ADGRB1: variants seen among roughly 807,000 people sequenced by gnomAD.
ADGRB1 encodes brain-specific angiogenesis inhibitor 1.
In ADGRB1, 36 loss-of-function variants were observed where a neutral mutation model predicts 175.7. The ratio of observed to expected loss-of-function variants is 0.20; its 90% confidence interval spans 0.16 to 0.27. The LOEUF is 0.27. Ranked by LOEUF, ADGRB1 falls within the 10% of genes least tolerant of loss-of-function variation. ADGRB1 has a pLI of 1.00. For synonymous variants in ADGRB1, 1,054 were observed against 979.4 expected (o/e 1.08, Z -1.42); for missense variants, 1,731 against 2,255.3 (o/e 0.77, Z 4.71).
At chr8:142,490,903 G>T in intron 17 of ADGRB1, 88 bp downstream of exon 17, 1 of 1,486,256 alleles carries the variant, frequency 6.7e-7, no homozygotes, top group Non-Finnish European at 9.2e-7. Flanking sequence ...CAGGTTTCAG[G>T]TCTTGTCCAC....
intron 13 of ADGRB1, among the ~76,000 whole-genome samples, chr8:142,485,265 A>T (rs752923660): frequency 4.6e-5 from 7 of 152,212 alleles, no homozygotes; most frequent in Non-Finnish European, 1.0e-4. Flanking sequence ...GAGTGGCTGA[A>T]TCCCGGGGTA....
rs1011955861 is a variant in ADGRB1, at chr8:142,543,041, C to T, written c.4414-362C>T. Among the ~76,000 whole-genome samples, 10 of 152,234 alleles carry T rather than the reference C, an allele frequency of 6.6e-5. No homozygotes were observed. Among genetic ancestry groups the T allele is most frequent in the Non-Finnish European group, 1.5e-4 (10 of 68,030 alleles). The stretch of plus-strand genomic sequence containing the variant: ...TTGTTTTTGGGGGAGCCCGTCCCCA[C>T]AGGATATGCTCCCACCATATCCTGG... On this transcript the variant is annotated intron_variant, in intron 28 of 30. Coordinates refer to ENST00000517894, the MANE Select transcript of ADGRB1 (RefSeq NM_001702.3). The surrounding 1 kb of genome is among the most constrained non-coding windows in gnomAD (Gnocchi z 4.4).
chr8:142,505,561 G>C (rs1331870808), intron 17 of ADGRB1, among the ~76,000 whole-genome samples: 4 of 152,226 alleles, frequency 2.6e-5, no homozygotes, highest in African/African-American at 9.6e-5. Context: ...GGCCATTGCT[G>C]GGTTTGGAGG....
At chr8:142,478,480 G>A in intron 7 of ADGRB1, 120 bp downstream of exon 7, 2 of 1,220,340 alleles carry the variant, frequency 1.6e-6, no homozygotes, top group Non-Finnish European at 2.2e-6. Flanking sequence ...TGAGGAGGGA[G>A]TGGGGTGCAC....
intron 2 of ADGRB1, among the ~76,000 whole-genome samples, chr8:142,469,568 T>TATGCAC (rs1563685071): frequency 7.6e-4 from 111 of 146,890 alleles, no homozygotes; most frequent in African/African-American, 2.9e-3. Context: ...TGTGAATGTG[T>TATGCAC]GTGCATGTGT....
In ADGRB1 at chr8:142,510,547, C is replaced by A. The variant is rs1843034932; in HGVS notation, c.2676-385C>A. Among the ~76,000 whole-genome samples, 2 of 149,628 alleles carry A rather than the reference C, an allele frequency of 1.3e-5. No individual in the cohort carries two copies. The highest frequency in any genetic ancestry group is 4.9e-5 in the African/African-American group (2 of 41,206). ...CGCCCACGCGCCCCTCCGGGCCTCCCCCTCCTTCCCGCGCGGGCCGGGGGC... is the reference window on the plus strand; with the variant it reads ...CGCCCACGCGCCCCTCCGGGCCTCCACCTCCTTCCCGCGCGGGCCGGGGGC... On this transcript the variant is annotated intron_variant, in intron 17 of 30. Coordinates refer to ENST00000517894, the MANE Select transcript of ADGRB1 (RefSeq NM_001702.3). This position sits in a 1 kb window ranked among gnomAD's most constrained non-coding sequence, Gnocchi z 6.3.
intron 2 of ADGRB1, among the ~76,000 whole-genome samples, chr8:142,465,202 G>A (rs893756857): frequency 3.9e-5 from 6 of 152,310 alleles, no homozygotes; most frequent in African/African-American, 1.4e-4. Context: ...CCTCCCAGGC[G>A]CCTGCTCCAT....
chr8:142,505,283 T>C (rs780355216), intron 17 of ADGRB1, among the ~76,000 whole-genome samples: 17 of 152,204 alleles, frequency 1.1e-4, no homozygotes, highest in Admixed American at 6.5e-4. Flanking sequence ...GTCTAGGCGC[T>C]TGCCGGGGGT....
At chr8:142,452,874 G>A (rs1839438557) in intron 1 of ADGRB1, among the ~76,000 whole-genome samples, 1 of 149,992 alleles carries the variant, frequency 6.7e-6, no homozygotes. Flanking sequence ...GGGCCGCAGT[G>A]GCGGAAGGCG....
intron 18 of ADGRB1, among the ~76,000 whole-genome samples, chr8:142,512,279 G>A (rs1395381341): frequency 1.3e-5 from 2 of 152,202 alleles, no homozygotes; most frequent in African/African-American, 4.8e-5. Flanking sequence ...GACTGTTGAT[G>A]CTGCTGGTTC....
At chr8:142,485,837 G>A (rs185784984) in intron 13 of ADGRB1, among the ~76,000 whole-genome samples, 1 of 152,190 alleles carries the variant, frequency 6.6e-6, no homozygotes, top group Non-Finnish European at 1.5e-5. Context: ...AATCTATAAA[G>A]ATGAGAGGTT....
intron 17 of ADGRB1, among the ~76,000 whole-genome samples, chr8:142,508,406 A>G (rs1457917067): frequency 6.6e-6 from 1 of 152,184 alleles, no homozygotes; most frequent in Non-Finnish European, 1.5e-5. Context: ...CCCTCTGGCC[A>G]GGATGTAGGA....
intron 24 of ADGRB1, among the ~76,000 whole-genome samples, chr8:142,529,703 T>A (rs776157573): frequency 5.3e-4 from 72 of 136,726 alleles, no homozygotes; most frequent in Non-Finnish European, 8.7e-4. Flanking sequence ...GGTGTACCTG[T>A]GAGCGTGCAT....
At chr8:142,533,211 C>G in intron 24 of ADGRB1, 84 bp from the exon 25 acceptor site, 1 of 1,364,062 alleles carries the variant, frequency 7.3e-7, no homozygotes, top group Non-Finnish European at 9.7e-7. Context: ...GGGTCCCCAC[C>G]GAGGCCTGGA....
rs778552098 is a variant in ADGRB1 at position 142,464,390 on chromosome 8, C to A, written c.192C>A (p.Asn64Lys). Residue 64 changes from asparagine to lysine, a missense_variant, in exon 2 of 31, where the codon AAC becomes AAA. Asn to Lys is a moderately conservative substitution (Grantham distance 94). Coordinates refer to ENST00000517894, the MANE Select transcript of ADGRB1 (RefSeq NM_001702.3). Reference sequence around the variant, plus strand: ...CCGCGGCCGCCGTGTTCCCGGCCAACGCCTCGCGCTGCTCCTGGACGCTAC... The same window carrying A: ...CCGCGGCCGCCGTGTTCCCGGCCAAAGCCTCGCGCTGCTCCTGGACGCTAC... ...YFSAAAVFPA[N>K]ASRCSWTLRN... 1.0e-5 allele frequency: 16 copies of A among 1,527,410 alleles called. No individual in the cohort carries two copies. The Admixed American group carries it at 2.8e-4, about 27-fold the overall frequency. The allele number at this position is 1,527,410 out of a possible 1,614,324, so 94.6% of individuals were successfully genotyped here.
chr8:142,535,748 C>T (rs953534582), intron 25 of ADGRB1, among the ~76,000 whole-genome samples: 10 of 151,698 alleles, frequency 6.6e-5, no homozygotes, highest in Non-Finnish European at 1.2e-4. Flanking sequence ...CTCCTCTGCT[C>T]GCCCACAGAG....
intron 13 of ADGRB1, among the ~76,000 whole-genome samples, chr8:142,486,833 G>T (rs1212918826): frequency 2.0e-5 from 3 of 152,114 alleles, no homozygotes; most frequent in Non-Finnish European, 4.4e-5. Context: ...AGCCTGGGCA[G>T]CACAGTGGGA....
At chr8:142,488,302 GC>G in intron 13 of ADGRB1, 61 bp from the exon 14 acceptor site, 1 of 1,594,200 alleles carries the variant, frequency 6.3e-7, no homozygotes, top group Non-Finnish European at 8.6e-7. Flanking sequence ...CGCAGCTGAG[GC>G]CCCGCCACAT....
intron 25 of ADGRB1, among the ~76,000 whole-genome samples, chr8:142,533,751 T>C (rs1844767906): frequency 1.3e-5 from 2 of 152,090 alleles, no homozygotes; most frequent in African/African-American, 2.4e-5. Context: ...GGGGCCCCCA[T>C]CCTCAAGGGG....
Sources: allele counts gnomAD v4.1 joint callset (sites outside exome capture counted in the v4.1 genomes callset), GRCh38; gene constraint gnomAD v4.1.1; non-coding constraint Gnocchi (gnomAD v3.1); transcripts MANE v1.5; gene names NCBI Gene and HGNC (gene_info 2026-07-23, HGNC 2026-07-21).